Variants in MTMR3 observed in about 807,000 individuals in gnomAD.
MTMR3 encodes myotubularin related protein 3.
In MTMR3, 32 loss-of-function variants were observed where a neutral mutation model predicts 132.4. The ratio of observed to expected loss-of-function variants is 0.24; its 90% CI spans 0.18 to 0.32. MTMR3 has a LOEUF of 0.32. Among genes scored for constraint, MTMR3 ranks in the 10% least tolerant of loss-of-function variants. MTMR3 has a pLI of 1.00. For missense variants in MTMR3, 1,216 were observed against 1,489.6 expected (o/e 0.82, Z 3.02); for synonymous variants, 556 against 550.3 (o/e 1.01, Z -0.14).
chr22:29,957,979 G>C (rs767221219), intron 2 of MTMR3, among the ~76,000 whole-genome samples: 2 of 150,984 alleles, frequency 1.3e-5, no homozygotes, highest in African/African-American at 4.9e-5. Context: ...AGGTACATAC[G>C]TAGAGGAAAA....
At chr22:29,968,703 T>C (rs1391189989) in intron 2 of MTMR3, among the ~76,000 whole-genome samples, 1 of 152,224 alleles carries the variant, frequency 6.6e-6, no homozygotes, top group Non-Finnish European at 1.5e-5. Context: ...TAAAATCAAG[T>C]TCCATGAATT....
intron 8 of MTMR3, chr22:30,001,020 A>G (rs1339823324): frequency 1.3e-5 from 2 of 152,138 alleles, no homozygotes; most frequent in Non-Finnish European, 2.9e-5. Context: ...TTGAGAGGCC[A>G]AGATAGAGGA....
chr22:30,008,297 A>G (rs963324573), intron 11 of MTMR3: 4 of 344,562 alleles, frequency 1.2e-5, no homozygotes, highest in African/African-American at 8.5e-5. Context: ...CTTCCCCATA[A>G]TAAGACCTGT....
intron 2 of MTMR3, among the ~76,000 whole-genome samples, chr22:29,963,773 G>T (rs1351310893): frequency 6.6e-6 from 1 of 151,578 alleles, no homozygotes; most frequent in Non-Finnish European, 1.5e-5. Context: ...ATGGACATTT[G>T]GTTTCAGTGA....
chr22:29,915,001 C>T (rs2065281761), intron 1 of MTMR3, among the ~76,000 whole-genome samples: 2 of 152,072 alleles, frequency 1.3e-5, no homozygotes, highest in Admixed American at 6.5e-5. Context: ...AGAGAACATA[C>T]TCTATAGGAT....
At chr22:29,974,601 AT>A (rs1253145875) in intron 3 of MTMR3, among the ~76,000 whole-genome samples, 5 of 152,214 alleles carry the variant, frequency 3.3e-5, no homozygotes, top group African/African-American at 9.7e-5. Flanking sequence ...GGTGATACAT[AT>A]TGGTCTGGAT....
intron 7 of MTMR3, 40 bp downstream of exon 7, chr22:29,991,710 T>A: frequency 6.6e-7 from 1 of 1,519,314 alleles, no homozygotes; most frequent in Middle Eastern, 1.7e-4. Flanking sequence ...AGGGGCTTTA[T>A]CAAGCTACTG....
chr22:29,951,692 A>C (rs187225349), intron 1 of MTMR3, among the ~76,000 whole-genome samples: 1 of 152,172 alleles, frequency 6.6e-6, no homozygotes, highest in African/African-American at 2.4e-5. Flanking sequence ...TGAAGAATGT[A>C]TTTAGAACCT....
At chr22:30,003,233 C>G (rs765291839) in intron 9 of MTMR3, 10 of 380,460 alleles carry the variant, frequency 2.6e-5, no homozygotes, top group Admixed American at 1.6e-4. Context: ...TGTAAAGTGG[C>G]TGGACTTGCT....
At chr22:29,922,776 C>T (rs952285028) in intron 1 of MTMR3, among the ~76,000 whole-genome samples, 16 of 152,140 alleles carry the variant, frequency 1.1e-4, no homozygotes, top group Non-Finnish European at 1.6e-4. Flanking sequence ...ACCAGCAATG[C>T]ACAAGGATCC....
Position 29,919,674 on chromosome 22 carries a change from C to T in MTMR3, c.-138+36315C>T, listed in dbSNP as rs551009779. 2.1e-4 allele frequency among the ~76,000 whole-genome samples: 32 copies of T among 151,924 alleles called. 1 individual carries two copies. Among genetic ancestry groups the T allele is most frequent in the African/African-American group, 7.5e-4 (31 of 41,416 alleles). Reference sequence around the variant, plus strand: ...AGTAGCTAAGACTACAGGCATGTGCCACCATGCCTAGCTAATAAAAAAAAA... The same window carrying T: ...AGTAGCTAAGACTACAGGCATGTGCTACCATGCCTAGCTAATAAAAAAAAA... On this transcript the variant is annotated intron_variant, in intron 1 of 19. Transcript: ENST00000401950.
In MTMR3 at chr22:30,030,315, CT is replaced by C. The variant is rs1314770179; in HGVS notation, c.*4517del. The C allele has an allele frequency of 6.6e-6, 1 of 150,754 alleles. No individual in the cohort carries two copies. Among genetic ancestry groups the C allele is most frequent in the African/African-American group, 2.4e-5 (1 of 41,038 alleles). The allele number at this position is 150,754 out of a possible 1,614,324, so 9.3% of individuals were successfully genotyped here. A position where few individuals can be genotyped will look rare whatever the true frequency, so the allele number is the denominator to read the frequency against. ...TTTTACATTGCCATTTAAAATTGGC[CT>C]TTAACAGCTTCCCAACTAGCTTATA... On this transcript the variant is annotated 3_prime_UTR_variant, in exon 20 of 20. Coordinates refer to ENST00000401950, the MANE Select transcript of MTMR3 (RefSeq NM_021090.4).
intron 1 of MTMR3, among the ~76,000 whole-genome samples, chr22:29,887,266 C>T (rs753050723): frequency 1.3e-4 from 20 of 152,276 alleles, no homozygotes; most frequent in Admixed American, 1.1e-3. Flanking sequence ...TTGTTTCTGG[C>T]AAGCTACATA....
At chr22:29,889,597 T>G (rs865904293) in intron 1 of MTMR3, among the ~76,000 whole-genome samples, 1 of 151,764 alleles carries the variant, frequency 6.6e-6, no homozygotes, top group African/African-American at 2.4e-5. Flanking sequence ...CAGAACGGTT[T>G]TAGTGTTTTT....
intron 5 of MTMR3, chr22:29,987,091 A>G (rs1012360661): frequency 6.6e-6 from 1 of 152,130 alleles, no homozygotes; most frequent in African/African-American, 2.4e-5. Flanking sequence ...TTTGTAAGGG[A>G]ATTTTTATAG....
At chr22:29,950,360 TTTATTTA>T (rs1326115461) in intron 1 of MTMR3, among the ~76,000 whole-genome samples, 1 of 132,800 alleles carries the variant, frequency 7.5e-6, no homozygotes. Flanking sequence ...TTTTTATTTT[TTTATTTA>T]TTTTTTTATT....
rs781531718 is a variant in MTMR3 at position 30,025,838 on chromosome 22, G to T, written c.*37G>T. The stretch of plus-strand genomic sequence containing the variant: ...CTGGGTGGGCAGTGGCCAAGCTGCT[G>T]TTCCTATGACAGGCCCACTCAACCT... On this transcript the variant is annotated 3_prime_UTR_variant, in exon 20 of 20. Coordinates refer to ENST00000401950, the MANE Select transcript of MTMR3 (RefSeq NM_021090.4). The T allele has an allele frequency of 6.2e-7, 1 of 1,610,146 alleles. No homozygotes were observed. Among genetic ancestry groups the T allele is most frequent in the South Asian group, 1.1e-5 (1 of 90,970 alleles).
chr22:29,970,973 C>T lies in MTMR3; in HGVS notation c.-84-3C>T. The T allele has an allele frequency of 8.7e-7, 1 of 1,147,294 alleles. No individual in the cohort carries two copies. Among genetic ancestry groups the T allele is most frequent in the Admixed American group, 2.7e-5 (1 of 36,470 alleles). 71.1% of individuals were successfully genotyped at this position (1,147,294 alleles called of 1,614,324 possible). A position where few individuals can be genotyped will look rare whatever the true frequency, so the allele number is the denominator to read the frequency against. On this transcript the variant is annotated splice_region_variant and splice_polypyrimidine_tract_variant and intron_variant, in intron 2 of 19. Transcript: ENST00000401950. ...TCTTCCCCCTCTTCCCCCCCACCCC[C>T]AGACTTCACCATAAGGGAAAGAAGA... is the stretch of plus-strand genomic sequence containing the variant.
At chr22:29,923,576 G>T (rs1284931670) in intron 1 of MTMR3, among the ~76,000 whole-genome samples, 1 of 152,116 alleles carries the variant, frequency 6.6e-6, no homozygotes, top group Non-Finnish European at 1.5e-5. Flanking sequence ...GTCTGTTCAA[G>T]TCTTTATTAG....
Sources: gnomAD v4.1 joint callset for allele counts (sites outside exome capture counted in the v4.1 genomes callset) on GRCh38, gnomAD v4.1.1 for gene constraint, MANE v1.5 for transcripts, NCBI Gene and HGNC (gene_info 2026-07-23, HGNC 2026-07-21) for gene names.